BCAR3: variants seen among roughly 807,000 people sequenced by gnomAD.
BCAR3 encodes the protein breast cancer anti-estrogen resistance protein 3.
BCAR3 carries 37 observed loss-of-function variants against 80.1 expected under a neutral mutation model. The observed-to-expected ratio is 0.46, with a 90% confidence interval of 0.36 to 0.61. The LOEUF is 0.61. Ranked by LOEUF, BCAR3 falls within the 20% of genes least tolerant of loss-of-function variation. The probability of loss-of-function intolerance (pLI) is 0.00; values close to 1 mark genes in which losing one functional copy is unlikely to be tolerated. For missense variants in BCAR3, 978 were observed against 1,068.2 expected, an observed-to-expected ratio of 0.92 and a Z score of 1.18; for synonymous variants, 389 against 418.9, an observed-to-expected ratio of 0.93 and a Z score of 0.87.
intron 5 of BCAR3, among the ~76,000 whole-genome samples, chr1:93,584,681 G>A (rs1202098368): frequency 6.6e-6 from 1 of 152,216 alleles, no homozygotes; most frequent in African/African-American, 2.4e-5. Flanking sequence ...CCCCCACACA[G>A]CCTCCTCCTG....
In BCAR3 at chr1:93,564,439, C is replaced by T. The variant is rs1244869086; in HGVS notation, c.2300-2020G>A. 1.3e-4 allele frequency among the ~76,000 whole-genome samples: 19 copies of T among 151,624 alleles called. 1 individual carries two copies. The highest frequency in any genetic ancestry group is 2.7e-4 in the African/African-American group (11 of 41,304). ...GATTACAGGCATGCGCCACCACGCCCGGCTAATTTTGTATTTTTAGTAGAG... is the reference window on the plus strand; with the variant it reads ...GATTACAGGCATGCGCCACCACGCCTGGCTAATTTTGTATTTTTAGTAGAG... On this transcript the variant is annotated intron_variant, in intron 11 of 11. Transcript: ENST00000260502.
At chr1:93,747,947 T>A (rs1651414763) in intron 2 of BCAR3, among the ~76,000 whole-genome samples, 1 of 147,706 alleles carries the variant, frequency 6.8e-6, no homozygotes, top group South Asian at 2.1e-4. Context: ...TAATGACCCA[T>A]CAAGTGCCTC....
At chr1:93,741,912 C>T (rs4847255) in intron 2 of BCAR3, among the ~76,000 whole-genome samples, 63,484 of 152,096 alleles carry the variant, frequency 0.42, 13,793 homozygotes, top group East Asian at 0.73. Context: ...TGGTAAGGAA[C>T]GCATATTGAC....
upstream of BCAR3, among the ~76,000 whole-genome samples, chr1:93,684,812 C>T (rs1648917938): frequency 6.6e-6 from 1 of 152,182 alleles, no homozygotes; most frequent in South Asian, 2.1e-4. Flanking sequence ...TCACTGCAAC[C>T]TCCGCCTCCT....
chr1:93,626,278 T>C (rs2101894796), intron 3 of BCAR3, among the ~76,000 whole-genome samples: 1 of 152,348 alleles, frequency 6.6e-6, no homozygotes, highest in East Asian at 1.9e-4. Flanking sequence ...TCTCTTTAAA[T>C]GTAAATGCAA....
At chr1:93,768,658 A>G (rs1652243715) in intron 2 of BCAR3, among the ~76,000 whole-genome samples, 1 of 152,220 alleles carries the variant, frequency 6.6e-6, no homozygotes. Flanking sequence ...AAAAGACAGC[A>G]GCGATGAGAG....
chr1:93,584,133 G>A lies in BCAR3; in HGVS notation c.930-12C>T. 6.2e-7 allele frequency: 1 copy of A among 1,611,808 alleles called. No individual in the cohort carries two copies. The highest frequency in any genetic ancestry group is 8.5e-7 in the Non-Finnish European group (1 of 1,178,254). Reference sequence around the variant, plus strand: ...TCTTTTCTTTGTTTCTGAAGTAAAAGACACATAGGATGGAAATGTGTTACT... The same window carrying A: ...TCTTTTCTTTGTTTCTGAAGTAAAAAACACATAGGATGGAAATGTGTTACT... On this transcript the variant is annotated splice_polypyrimidine_tract_variant and intron_variant, in intron 5 of 11. Transcript: ENST00000260502.
upstream of BCAR3, chr1:93,847,390 C>G (rs1655253378): frequency 6.5e-6 from 1 of 153,858 alleles, no homozygotes; most frequent in African/African-American, 2.4e-5. Flanking sequence ...GGGTCGCCGA[C>G]CTTGTTGAGG....
intron 2 of BCAR3, among the ~76,000 whole-genome samples, chr1:93,653,903 A>T (rs957302567): frequency 2.5e-4 from 38 of 152,200 alleles, no homozygotes; most frequent in African/African-American, 9.2e-4. Flanking sequence ...TCAGGAGTCA[A>T]TGCCACCTGA....
chr1:93,680,688 C>A (rs116493358), intron 1 of BCAR3, among the ~76,000 whole-genome samples: 142 of 152,306 alleles, frequency 9.3e-4, no homozygotes, highest in Middle Eastern at 3.4e-3. Context: ...CAGCTTTAAG[C>A]GAAAACAGAT....
At chr1:93,656,546 TA>T (rs1270197535) in intron 2 of BCAR3, among the ~76,000 whole-genome samples, 4 of 150,396 alleles carry the variant, frequency 2.7e-5, no homozygotes, top group Admixed American at 6.6e-5. Flanking sequence ...TTTATCTTTT[TA>T]AAAAAAAATG....
intron 3 of BCAR3, among the ~76,000 whole-genome samples, chr1:93,703,689 A>G (rs1649732349): frequency 6.6e-6 from 1 of 152,194 alleles, no homozygotes; most frequent in African/African-American, 2.4e-5. Flanking sequence ...ATGCCCATTC[A>G]TTTATTTATC....
chr1:93,705,676 A>G (rs1649807799), intron 3 of BCAR3, among the ~76,000 whole-genome samples: 1 of 152,238 alleles, frequency 6.6e-6, no homozygotes, highest in Non-Finnish European at 1.5e-5. Context: ...ACGGCAGGTT[A>G]TTCAGCCTCC....
chr1:93,575,437 A>G (rs1327902103), intron 8 of BCAR3, among the ~76,000 whole-genome samples: 3 of 152,132 alleles, frequency 2.0e-5, no homozygotes, highest in Admixed American at 6.5e-5. Context: ...TTCCATTTCA[A>G]TGGATGCCCA....
At chr1:93,658,578 G>A (rs1220660131) in intron 2 of BCAR3, among the ~76,000 whole-genome samples, 1 of 152,174 alleles carries the variant, frequency 6.6e-6, no homozygotes, top group Non-Finnish European at 1.5e-5. Context: ...TTTGAACCCT[G>A]GAGGTGGAGG....
chr1:93,724,325 C>A lies in BCAR3; in HGVS notation c.-62-18183G>T, dbSNP rs572722208. Among the ~76,000 whole-genome samples, 7 of 152,318 alleles carry A rather than the reference C, an allele frequency of 4.6e-5. No individual in the cohort carries two copies. The East Asian group carries it at 1.2e-3, about 25-fold the overall frequency. On this transcript the variant is annotated intron_variant, in intron 2 of 13. Transcript: ENST00000370244. ...TTGTGAATGGACTTCCGAAAGGCTG[C>A]GTCCATTACTGGCCTGCAGTGCCTT...
chr1:93,750,280 T>C (rs1404146190), intron 2 of BCAR3, among the ~76,000 whole-genome samples: 1 of 152,216 alleles, frequency 6.6e-6, no homozygotes, highest in Non-Finnish European at 1.5e-5. Flanking sequence ...GCATCTTGTA[T>C]AAACTCTTCA....
At chr1:93,581,164 A>G (rs1305019903) in intron 7 of BCAR3, among the ~76,000 whole-genome samples, 1 of 133,420 alleles carries the variant, frequency 7.5e-6, no homozygotes, top group Non-Finnish European at 1.5e-5. Flanking sequence ...CCTGTCTCAG[A>G]AAAAAAAAAA....
At chr1:93,622,304 T>C (rs77354542) in intron 3 of BCAR3, among the ~76,000 whole-genome samples, 47 of 152,278 alleles carry the variant, frequency 3.1e-4, no homozygotes, top group African/African-American at 1.1e-3. Context: ...ATCAAACAGC[T>C]CTTAAAGTTA....
Sources: gnomAD v4.1 joint callset for allele counts (sites outside exome capture counted in the v4.1 genomes callset) on GRCh38, gnomAD v4.1.1 for gene constraint, MANE v1.5 for transcripts, NCBI Gene and HGNC (gene_info 2026-07-23, HGNC 2026-07-21) for gene names.